NDST4: variants seen among roughly 807,000 people sequenced by gnomAD.
NDST4 encodes N-heparan sulfate sulfotransferase 4.
NDST4 carries 63 observed loss-of-function variants against 100.8 expected under a neutral mutation model. The ratio of observed to expected loss-of-function variants is 0.62; its 90% confidence interval spans 0.51 to 0.77. The LOEUF (loss-of-function observed/expected upper bound fraction) is 0.77. Among genes scored for constraint, NDST4 ranks in the 30% least tolerant of loss-of-function variants. The probability of loss-of-function intolerance (pLI) is 0.00; values close to 1 mark genes in which losing one functional copy is unlikely to be tolerated. For missense variants in NDST4, 943 were observed against 1,018.4 expected, an observed-to-expected ratio of 0.93 and a Z score of 1.01; for synonymous variants, 377 against 361.8, an observed-to-expected ratio of 1.04 and a Z score of -0.48.
chr4:114,887,906 A>G (rs1724512910), intron 6 of NDST4, among the ~76,000 whole-genome samples: 1 of 152,212 alleles, frequency 6.6e-6, no homozygotes, highest in East Asian at 1.9e-4. Context: ...TCTTCTTATC[A>G]AATTAGTTGT....
rs111534434 is a variant in NDST4 at position 114,854,703 on chromosome 4, C to G, written c.1720-1882G>C. Among the ~76,000 whole-genome samples the G allele has an allele frequency of 1.7e-3, 265 of 152,268 alleles. 1 individual carries two copies. Among genetic ancestry groups the G allele is most frequent in the African/African-American group, 5.8e-3 (240 of 41,548 alleles). On this transcript the variant is annotated intron_variant, in intron 7 of 13. Transcript: ENST00000264363. ...CAGGATGGTCTCTATCTCCTGACCT[C>G]ATGATCTGTCCACCTCAGCCTCCCA...
chr4:114,912,967 T>C (rs1327035153), intron 6 of NDST4, among the ~76,000 whole-genome samples: 1 of 152,044 alleles, frequency 6.6e-6, no homozygotes, highest in Non-Finnish European at 1.5e-5. Flanking sequence ...CCATCTTTAC[T>C]CAATTTTAAA....
At chr4:114,845,119 C>T (rs1436377326) in intron 10 of NDST4, among the ~76,000 whole-genome samples, 2 of 151,952 alleles carry the variant, frequency 1.3e-5, no homozygotes, top group South Asian at 2.1e-4. Context: ...TGCTCGAGCC[C>T]GGGAGTTCAA....
intron 6 of NDST4, among the ~76,000 whole-genome samples, chr4:114,933,930 G>GAGTATTAT: frequency 6.6e-6 from 1 of 152,222 alleles, no homozygotes; most frequent in African/African-American, 2.4e-5. Flanking sequence ...TTCATATTAT[G>GAGTATTAT]GAAAACACTA....
intron 2 of NDST4, among the ~76,000 whole-genome samples, chr4:114,997,920 A>G (rs1727200989): frequency 6.6e-6 from 1 of 152,002 alleles, no homozygotes; most frequent in Non-Finnish European, 1.5e-5. Context: ...TTTGAAGAGG[A>G]TTAAAGGATT....
At chr4:114,860,515 C>T (rs540415274) in intron 7 of NDST4, among the ~76,000 whole-genome samples, 2 of 152,220 alleles carry the variant, frequency 1.3e-5, no homozygotes, top group South Asian at 2.1e-4. Flanking sequence ...AAGCCACACT[C>T]CCTGGATTTC....
chr4:114,907,985 ATT>A (rs1560806524), intron 6 of NDST4, among the ~76,000 whole-genome samples: 2 of 152,170 alleles, frequency 1.3e-5, no homozygotes, highest in African/African-American at 4.8e-5. Flanking sequence ...ATCATTTAAT[ATT>A]TTGAGAGCAG....
chr4:114,928,174 C>A (rs1045780870), intron 6 of NDST4, among the ~76,000 whole-genome samples: 11 of 152,116 alleles, frequency 7.2e-5, no homozygotes, highest in Admixed American at 2.0e-4. Flanking sequence ...TGAAAATATT[C>A]TTTACTCTGA....
chr4:115,067,930 T>C (rs946094236), intron 2 of NDST4, among the ~76,000 whole-genome samples: 8 of 126,628 alleles, frequency 6.3e-5, no homozygotes, highest in Non-Finnish European at 1.1e-4. Flanking sequence ...TGTGTGATGT[T>C]CCCCTTCCTG....
intron 6 of NDST4, among the ~76,000 whole-genome samples, chr4:114,905,544 T>C (rs1047914767): frequency 3.9e-5 from 6 of 151,960 alleles, no homozygotes. Flanking sequence ...TTCATGACTT[T>C]GTTTTTGTCA....
intron 11 of NDST4, among the ~76,000 whole-genome samples, chr4:114,836,836 A>T (rs562197473): frequency 2.6e-5 from 4 of 151,986 alleles, no homozygotes; most frequent in Non-Finnish European, 5.9e-5. Context: ...TTGTTCTCTA[A>T]TCTTGTCTTC....
intron 2 of NDST4, among the ~76,000 whole-genome samples, chr4:114,991,631 A>G (rs540628873): frequency 2.2e-4 from 33 of 152,050 alleles, no homozygotes; most frequent in African/African-American, 8.0e-4. Flanking sequence ...TCTAGCCACA[A>G]GAGAAAAGCG....
intron 2 of NDST4, among the ~76,000 whole-genome samples, chr4:114,993,885 T>C (rs1489924314): frequency 6.6e-5 from 10 of 152,026 alleles, no homozygotes; most frequent in Admixed American, 4.6e-4. Context: ...CCATATCTTC[T>C]CTAACAACAG....
chr4:114,987,671 C>A (rs1726943026), intron 2 of NDST4, among the ~76,000 whole-genome samples: 1 of 152,118 alleles, frequency 6.6e-6, no homozygotes, highest in Non-Finnish European at 1.5e-5. Context: ...GTTTAGGAAA[C>A]ACACTGTATC....
At chr4:115,112,888 C>T (rs188372470) in intron 1 of NDST4, among the ~76,000 whole-genome samples, 93 of 151,976 alleles carry the variant, frequency 6.1e-4, no homozygotes, top group African/African-American at 2.1e-3. Flanking sequence ...GCACCTATTT[C>T]TTTATAAGCA....
intron 4 of NDST4, among the ~76,000 whole-genome samples, chr4:114,949,157 T>C (rs557506207): frequency 2.0e-5 from 3 of 152,098 alleles, no homozygotes; most frequent in Admixed American, 2.0e-4. Context: ...ACTTCAAGAA[T>C]CCAGTCACAA....
chr4:114,997,036 A>C lies in NDST4; in HGVS notation c.979-19762T>G, dbSNP rs1316018058. On this transcript the variant is annotated intron_variant, in intron 2 of 13. Coordinates refer to ENST00000264363, the MANE Select transcript of NDST4 (RefSeq NM_022569.3). ...CTAGCAATGTTGTATTTTGTTGCTT[A>C]AATGTCTCTACCATGGACAAAGTCA... is the stretch of plus-strand genomic sequence containing the variant. Among the ~76,000 whole-genome samples, 3 of 152,082 alleles carry C rather than the reference A, an allele frequency of 2.0e-5. No individual in the cohort carries two copies. The South Asian group carries it at 6.2e-4, about 31-fold the overall frequency.
At chr4:115,073,607 A>T (rs868094220) in intron 2 of NDST4, among the ~76,000 whole-genome samples, 1 of 151,996 alleles carries the variant, frequency 6.6e-6, no homozygotes, top group African/African-American at 2.4e-5. Flanking sequence ...GAGTCTAAAA[A>T]ATTTAAACTC....
chr4:115,021,393 CATTCCATATAAATACATTCCACAT>C (rs1727816888), intron 2 of NDST4, among the ~76,000 whole-genome samples: 1 of 149,500 alleles, frequency 6.7e-6, no homozygotes, highest in East Asian at 2.0e-4. Context: ...CATATATATA[CATTCCATATAAATACATTCCACAT>C]ACATTCCATA....
Sources: allele counts gnomAD v4.1 joint callset (sites outside exome capture counted in the v4.1 genomes callset), GRCh38; gene constraint gnomAD v4.1.1; transcripts MANE v1.5; gene names NCBI Gene and HGNC (gene_info 2026-07-23, HGNC 2026-07-21).